ECHDC2: variants seen among roughly 807,000 people sequenced by gnomAD.
ECHDC2 encodes the protein enoyl-CoA hydratase domain-containing protein 2, mitochondrial.
In ECHDC2, 34 loss-of-function variants were observed where a neutral mutation model predicts 40.6. The observed-to-expected ratio is 0.84, with a 90% CI of 0.64 to 1.11. ECHDC2 has a LOEUF of 1.11. Among genes scored for constraint, ECHDC2 ranks in the 50% most tolerant of loss-of-function variants. The pLI is 0.00. For synonymous variants in ECHDC2, 162 were observed against 166.6 expected (o/e 0.97, Z 0.21); for missense variants, 392 against 400.7 (o/e 0.98, Z 0.19).
chr1:52,899,086 C>G, intron 8 of ECHDC2, 88 bp downstream of exon 8: 2 of 1,389,862 alleles, frequency 1.4e-6, no homozygotes, highest in Non-Finnish European at 2.0e-6. Flanking sequence ...TGAGTTTTTC[C>G]CAGCTGTGCT....
In ECHDC2 at chr1:52,905,641, G is replaced by A. The variant is rs191912308; in HGVS notation, c.458-551C>T. The A allele has an allele frequency of 8.9e-5, 14 of 157,002 alleles. No individual in the cohort carries two copies. The East Asian group carries it at 2.3e-3, about 25-fold the overall frequency. The allele number at this position is 157,002 out of a possible 1,614,324, so 9.7% of individuals were successfully genotyped here. A position where few individuals can be genotyped will look rare whatever the true frequency, so the allele number is the denominator to read the frequency against. ...CTTCGAGAAACTTGCCTTGACTGAC[G>A]CACCCCCCCGGGTCTGTCTCCTTTT... On this transcript the variant is annotated intron_variant, in intron 5 of 9. Coordinates refer to ENST00000371522, the MANE Select transcript of ECHDC2 (RefSeq NM_001198961.2).
intron 6 of ECHDC2, 50 bp downstream of exon 6, chr1:52,904,984 G>A (rs745374851): frequency 1.1e-5 from 18 of 1,611,962 alleles, no homozygotes; most frequent in Middle Eastern, 1.6e-4. Flanking sequence ...GGAAAGCAGC[G>A]AAGGACCCTG....
intron 5 of ECHDC2, 24 bp from the exon 6 acceptor site, chr1:52,905,114 G>A: frequency 6.2e-7 from 1 of 1,613,284 alleles, no homozygotes; most frequent in Non-Finnish European, 8.5e-7. Flanking sequence ...ACAAAGTGAG[G>A]CCTCCCTCCC....
Position 52,911,731 on chromosome 1 carries a change from C to T in ECHDC2, c.181G>A (p.Val61Ile), listed in dbSNP as rs140085217. The T allele has an allele frequency of 1.2e-4, 199 of 1,613,824 alleles. No individual in the cohort carries two copies. The highest frequency in any genetic ancestry group is 1.6e-4 in the Non-Finnish European group (189 of 1,179,870). ...SARNALGNVFVSELLETLAQL... is the reference protein window; with the variant it reads ...SARNALGNVFISELLETLAQL... The stretch of plus-strand genomic sequence containing the variant: ...CGCCCGCCCTTTCTTACCTCACTGA[C>T]GAAGACATTCCCCAAGGCATTGCGG... The change falls in exon 2 of 10, where the codon GTC (valine) becomes ATC (isoleucine). Residue 61 changes from valine to isoleucine, a missense_variant. Transcript: ENST00000371522.
intron 9 of ECHDC2, chr1:52,897,123 A>G (rs1460954178): frequency 2.2e-6 from 1 of 458,380 alleles, no homozygotes; most frequent in African/African-American, 1.9e-5. Flanking sequence ...TCCCAACTCC[A>G]TCCTGAACTT....
chr1:52,910,352 G>GCTTTTTTTTT (rs1649094598), intron 3 of ECHDC2, among the ~76,000 whole-genome samples: 1 of 32,062 alleles, frequency 3.1e-5, no homozygotes, highest in African/African-American at 1.1e-4. Flanking sequence ...CCACAATTTC[G>GCTTTTTTTTT]TTTTTTTTTT....
intron 9 of ECHDC2, 85 bp downstream of exon 9, chr1:52,897,352 C>T: frequency 7.3e-7 from 1 of 1,363,470 alleles, no homozygotes. Context: ...GAAGAACCTT[C>T]TAAAATTGGT....
In ECHDC2 at chr1:52,904,761, A is replaced by C; in HGVS notation, c.587T>G (p.Leu196Arg). The change falls in exon 7 of 10, where the codon CTG becomes CGG. Residue 196 changes from leucine to arginine, a missense_variant. Physicochemically the swap from Leu to Arg is moderately radical, Grantham distance 102. Coordinates refer to ENST00000371522, the MANE Select transcript of ECHDC2 (RefSeq NM_001198961.2). ...AKELIFTGRR[L>R]SGTEAHVLGL... is the part of the protein sequence containing the mutation. ...CAGTACGTGGGCCTCAGTTCCACTCAGTCGTCGGCCCGTGAAGATGAGCTC... is the reference window on the plus strand; with the variant it reads ...CAGTACGTGGGCCTCAGTTCCACTCCGTCGTCGGCCCGTGAAGATGAGCTC... 6.2e-7 allele frequency: 1 copy of C among 1,613,106 alleles called. No individual in the cohort carries two copies. Among genetic ancestry groups the C allele is most frequent in the Non-Finnish European group, 8.5e-7 (1 of 1,179,990 alleles).
Position 52,911,063 on chromosome 1 carries a change from G to A in ECHDC2, c.277+503C>T, listed in dbSNP as rs559860460. Among the ~76,000 whole-genome samples the A allele has an allele frequency of 1.4e-4, 22 of 151,934 alleles. No homozygotes were observed. The East Asian group carries it at 3.9e-3, about 27-fold the overall frequency. On this transcript the variant is annotated intron_variant, in intron 3 of 9. Coordinates refer to ENST00000371522, the MANE Select transcript of ECHDC2 (RefSeq NM_001198961.2). ...GCAATCTCAGCTCACTGCAACCTCC[G>A]CCTCCCGGGTTCAAGCAATTCTCCT...
intron 1 of ECHDC2, among the ~76,000 whole-genome samples, chr1:52,919,528 C>T (rs1332376233): frequency 6.6e-6 from 1 of 152,186 alleles, no homozygotes; most frequent in African/African-American, 2.4e-5. Flanking sequence ...ACAATGACCA[C>T]AATCACCTAA....
At chr1:52,910,660 C>A (rs1571970032) in intron 3 of ECHDC2, among the ~76,000 whole-genome samples, 1 of 152,060 alleles carries the variant, frequency 6.6e-6, no homozygotes, top group African/African-American at 2.4e-5. Flanking sequence ...TGAGCCACTG[C>A]ACCCAGCCCA....
intron 5 of ECHDC2, 99 bp from the exon 6 acceptor site, chr1:52,905,189 A>T (rs1647464254): frequency 1.5e-5 from 20 of 1,341,012 alleles, no homozygotes; most frequent in Non-Finnish European, 2.1e-5. Flanking sequence ...TCGCCCCTCT[A>T]GCCACTTGCC....
At chr1:52,916,625 G>A (rs1034385328) in intron 1 of ECHDC2, among the ~76,000 whole-genome samples, 1 of 152,194 alleles carries the variant, frequency 6.6e-6, no homozygotes, top group African/African-American at 2.4e-5. Flanking sequence ...ACTTTAAGCT[G>A]GGAGCCCCCC....
At position 52,899,156 on chromosome 1, in the gene ECHDC2, A is replaced by G; in HGVS notation, c.753+18T>C. 6.2e-7 allele frequency: 1 copy of G among 1,614,186 alleles called. No individual in the cohort carries two copies. The highest frequency in any genetic ancestry group is 1.7e-5 in the Admixed American group (1 of 60,022). The stretch of plus-strand genomic sequence containing the variant: ...ACCAACTTTAGTGGACCCAAGTCCC[A>G]ACCCAAAACCCTCTCACCTCCGTTC... On this transcript the variant is annotated intron_variant, in intron 8 of 9. Transcript: ENST00000371522.
chr1:52,903,913 G>A (rs1353252042), intron 7 of ECHDC2, among the ~76,000 whole-genome samples: 5 of 151,578 alleles, frequency 3.3e-5, no homozygotes, highest in Admixed American at 3.3e-4. Context: ...CGCCTCCCAG[G>A]TTCAAGCGAT....
chr1:52,900,417 A>G (rs1197403578), intron 7 of ECHDC2: 1 of 152,240 alleles, frequency 6.6e-6, no homozygotes, highest in African/African-American at 2.4e-5. Flanking sequence ...TTTGTTATAT[A>G]AAATGAAGGT....
chr1:52,899,086 C>T, intron 8 of ECHDC2, 88 bp downstream of exon 8: 1 of 1,389,862 alleles, frequency 7.2e-7, no homozygotes, highest in Non-Finnish European at 1.0e-6. Flanking sequence ...TGAGTTTTTC[C>T]CAGCTGTGCT....
chr1:52,918,358 T>TA (rs536606545), intron 1 of ECHDC2, among the ~76,000 whole-genome samples: 5,033 of 124,494 alleles, frequency 0.04, 233 homozygotes, highest in African/African-American at 0.11. Flanking sequence ...TCCTACTTAT[T>TA]AAAAAAAAAA....
chr1:52,914,294 G>A lies in ECHDC2; in HGVS notation c.122-2504C>T, dbSNP rs1650204103. Among the ~76,000 whole-genome samples the A allele has an allele frequency of 6.6e-6, 1 of 152,212 alleles. No individual in the cohort carries two copies. The highest frequency in any genetic ancestry group is 6.5e-5 in the Admixed American group (1 of 15,280). On this transcript the variant is annotated intron_variant, in intron 1 of 9. Coordinates refer to ENST00000371522, the MANE Select transcript of ECHDC2 (RefSeq NM_001198961.2). The surrounding 1 kb of genome is among the most constrained non-coding windows in gnomAD (Gnocchi z 4.0). ...AATTGGCCAGGCAAAAGATGTAAGA[G>A]TGCATGTGTGCATGTAAGTGTGCAT...
Sources: gnomAD v4.1 joint callset for allele counts (sites outside exome capture counted in the v4.1 genomes callset) on GRCh38, gnomAD v4.1.1 for gene constraint, Gnocchi (gnomAD v3.1) non-coding constraint, MANE v1.5 for transcripts, NCBI Gene and HGNC (gene_info 2026-07-23, HGNC 2026-07-21) for gene names.